Variants in ERC2 observed in about 807,000 individuals in gnomAD.
ERC2 encodes ERC protein 2.
ERC2 carries 42 observed loss-of-function variants against 114.8 expected under a neutral mutation model. That is an observed-to-expected ratio of 0.37 (90% CI 0.29 to 0.47). The LOEUF (loss-of-function observed/expected upper bound fraction) is 0.47, where lower values mean the gene tolerates loss of function less well. ERC2 is among the 20% of genes least tolerant of loss of function. The pLI, the probability that ERC2 is intolerant of heterozygous loss-of-function variation, is 0.99. For missense variants in ERC2, 939 were observed against 1,150.7 expected (o/e 0.82, Z 2.66); for synonymous variants, 454 against 425.5 (o/e 1.07, Z -0.82).
chr3:56,415,584 T>C (rs1476716179), intron 2 of ERC2, among the ~76,000 whole-genome samples: 2 of 152,262 alleles, frequency 1.3e-5, no homozygotes, highest in African/African-American at 4.8e-5. Context: ...TCTTGGATTA[T>C]TTAAGAACAA....
chr3:55,848,977 C>A (rs1216947826), intron 14 of ERC2, among the ~76,000 whole-genome samples: 1 of 152,096 alleles, frequency 6.6e-6, no homozygotes, highest in East Asian at 1.9e-4. Flanking sequence ...TGCCTAGTAC[C>A]AGTTTTTCAC....
At chr3:55,942,301 T>TTTTTTTTTTTTTTTTTTTTTTTTTG (rs1559906638) in intron 13 of ERC2, among the ~76,000 whole-genome samples, 1 of 120,780 alleles carries the variant, frequency 8.3e-6, no homozygotes, top group African/African-American at 3.4e-5. Context: ...TTTTTTTTTT[T>TTTTTTTTTTTTTTTTTTTTTTTTTG]TTGTTGAGAC....
chr3:55,681,526 C>T (rs1576108146), intron 17 of ERC2, among the ~76,000 whole-genome samples: 2 of 152,222 alleles, frequency 1.3e-5, no homozygotes, highest in South Asian at 2.1e-4. Context: ...AACGGCTGCT[C>T]AAAAACAGAA....
chr3:55,698,123 C>A (rs1420917705), intron 16 of ERC2, among the ~76,000 whole-genome samples: 1 of 151,986 alleles, frequency 6.6e-6, no homozygotes, highest in East Asian at 1.9e-4. Flanking sequence ...GGAGCTAAAA[C>A]ATGAAATCAT....
intron 2 of ERC2, among the ~76,000 whole-genome samples, chr3:56,401,318 A>C (rs1363107189): frequency 6.6e-6 from 1 of 152,254 alleles, no homozygotes. Context: ...GAAAGAGTAA[A>C]AGAGTGGTTG....
At chr3:56,090,038 G>A (rs1485818528) in intron 6 of ERC2, among the ~76,000 whole-genome samples, 4 of 152,130 alleles carry the variant, frequency 2.6e-5, no homozygotes, top group East Asian at 3.9e-4. Flanking sequence ...AATTTTTGAC[G>A]AATAATCATC....
rs538853459 is a variant in ERC2 at position 55,883,719 on chromosome 3, C to T, written c.2564+4670G>A. On this transcript the variant is annotated intron_variant, in intron 14 of 17. Coordinates refer to ENST00000288221, the MANE Select transcript of ERC2 (RefSeq NM_015576.3). ...CCTGGCTAACAAGGTGAAACCCTGT[C>T]TCTACTAAAAATACAAAAATTAGCT... Among the ~76,000 whole-genome samples, 393 of 152,144 alleles carry T rather than the reference C, an allele frequency of 2.6e-3. 2 individuals carry two copies. The highest frequency in any genetic ancestry group is 9.0e-3 in the African/African-American group (374 of 41,532).
In ERC2 at chr3:55,893,980, G is replaced by A. The variant is rs895824819; in HGVS notation, c.2404-5431C>T. ...TATAGTATTATATGAAGCAATGATT[G>A]CAGAGCTCTTAGTGCTGAGCCTGGC... On this transcript the variant is annotated intron_variant, in intron 13 of 17. Coordinates refer to ENST00000288221, the MANE Select transcript of ERC2 (RefSeq NM_015576.3). Among the ~76,000 whole-genome samples the A allele has an allele frequency of 3.9e-5, 6 of 152,132 alleles. No homozygotes were observed. In the East Asian group the frequency reaches 1.2e-3, roughly 29 times the overall value.
rs1225185388 is a variant in ERC2, at chr3:56,126,765, A to C, written c.1473+12744T>G. Among the ~76,000 whole-genome samples the C allele has an allele frequency of 1.4e-5, 2 of 146,148 alleles. 1 individual carries two copies. Among genetic ancestry groups the C allele is most frequent in the South Asian group, 4.4e-4 (2 of 4,564 alleles). On this transcript the variant is annotated intron_variant, in intron 6 of 17. Coordinates refer to ENST00000288221, the MANE Select transcript of ERC2 (RefSeq NM_015576.3). ...GTGAGATCTTGTAAGAAAAAAAAGA[A>C]GGAAGGAAGGAAAGAAAGAAAAGAA...
chr3:55,756,165 T>C (rs2067046065), intron 14 of ERC2, among the ~76,000 whole-genome samples: 1 of 152,196 alleles, frequency 6.6e-6, no homozygotes, highest in Non-Finnish European at 1.5e-5. Context: ...AAAACAGTTA[T>C]AACATTTACA....
intron 17 of ERC2, among the ~76,000 whole-genome samples, chr3:55,513,238 C>T (rs1175347544): frequency 1.3e-5 from 2 of 152,226 alleles, no homozygotes; most frequent in Non-Finnish European, 1.5e-5. Context: ...TTTATAATCC[C>T]GTTGCCCTGA....
rs746095445 is a variant in ERC2 at position 55,888,503 on chromosome 3, T to C, written c.2450A>G (p.Asp817Gly). 15 of 1,613,926 alleles carry C rather than the reference T, an allele frequency of 9.3e-6. 2 individuals carry two copies. The South Asian group carries it at 1.5e-4, about 17-fold the overall frequency. Residue 817 changes from aspartate (D) to glycine (G), a missense_variant, in exon 14 of 18, where the codon GAT becomes GGT. By Grantham distance (94) the Asp-to-Gly change is moderately conservative. This residue lies in a region of ERC2 where 328 missense variants were observed against 353.9 expected (regional missense o/e 0.93). Coordinates refer to ENST00000288221, the MANE Select transcript of ERC2 (RefSeq NM_015576.3). The stretch of plus-strand genomic sequence containing the variant: ...GGAGGCGAGGCGTGCTTTGGTGGCA[T>C]CCAGTTCCTGTCTGGTCTTCTCCAG... ...NALEKTRQEL[D>G]ATKARLASTQ...
At chr3:55,539,411 C>CTTTTTTTTTTTTTTTTTTTTTTTTTTT (rs1559619170) in intron 17 of ERC2, among the ~76,000 whole-genome samples, 1 of 49,070 alleles carries the variant, frequency 2.0e-5, no homozygotes, top group Non-Finnish European at 4.4e-5. Context: ...CTCTTTTTTT[C>CTTTTTTTTTTTTTTTTTTTTTTTTTTT]TTTCTTTTTT....
intron 15 of ERC2, among the ~76,000 whole-genome samples, chr3:55,720,868 G>T (rs2064505037): frequency 6.6e-6 from 1 of 152,178 alleles, no homozygotes; most frequent in Admixed American, 6.5e-5. Context: ...ACTAAGATCA[G>T]CATCTTGTAC....
intron 3 of ERC2, among the ~76,000 whole-genome samples, chr3:56,274,465 A>G (rs2053861853): frequency 6.6e-6 from 1 of 151,944 alleles, no homozygotes; most frequent in South Asian, 2.1e-4. Flanking sequence ...CCCTCCATAA[A>G]CATGGGTTCA....
intron 13 of ERC2, among the ~76,000 whole-genome samples, chr3:55,906,452 A>C (rs1414059711): frequency 1.3e-5 from 2 of 151,200 alleles, no homozygotes; most frequent in African/African-American, 4.9e-5. Flanking sequence ...AAAAAAAAAA[A>C]AGTAGTGGCA....
At chr3:55,937,423 A>G (rs1435170636) in intron 13 of ERC2, among the ~76,000 whole-genome samples, 1 of 152,184 alleles carries the variant, frequency 6.6e-6, no homozygotes, top group East Asian at 1.9e-4. Context: ...ACCTACTCAA[A>G]ACCTGTAAAA....
chr3:56,158,086 T>C (rs1465279721), intron 4 of ERC2, among the ~76,000 whole-genome samples: 1 of 152,130 alleles, frequency 6.6e-6, no homozygotes, highest in African/African-American at 2.4e-5. Context: ...TTTGCAAGAA[T>C]GTCATGTCAA....
intron 13 of ERC2, among the ~76,000 whole-genome samples, chr3:55,924,656 C>T (rs1346536620): frequency 6.6e-6 from 1 of 151,954 alleles, no homozygotes; most frequent in Non-Finnish European, 1.5e-5. Context: ...AAGAAAGAAT[C>T]CAAGAGCACA....
Sources: allele counts gnomAD v4.1 joint callset (sites outside exome capture counted in the v4.1 genomes callset), GRCh38; gene constraint gnomAD v4.1.1; regional missense constraint gnomAD v4.1.1; transcripts MANE v1.5; gene names NCBI Gene and HGNC (gene_info 2026-07-23, HGNC 2026-07-21).